SLC4A4: variants seen among roughly 807,000 people sequenced by gnomAD.
SLC4A4 encodes the protein solute carrier family 4 member 4.
In SLC4A4, 27 loss-of-function variants were observed where a neutral mutation model predicts 111.5. That is an observed-to-expected ratio of 0.24 (90% CI 0.18 to 0.33). The LOEUF (loss-of-function observed/expected upper bound fraction) is 0.33, where lower values mean the gene tolerates loss of function less well. SLC4A4 is among the 10% of genes least tolerant of loss of function. The pLI is 1.00. For synonymous variants in SLC4A4, 443 were observed against 463.4 expected (o/e 0.96, Z 0.57); for missense variants, 909 against 1,315.5 (o/e 0.69, Z 4.78).
intron 2 of SLC4A4, among the ~76,000 whole-genome samples, chr4:71,245,493 G>C (rs1720589959): frequency 6.6e-6 from 1 of 152,122 alleles, no homozygotes; most frequent in South Asian, 2.1e-4. Context: ...TGGATGTATG[G>C]ATGGGGATGG....
chr4:71,438,818 T>C (rs1277754793), intron 7 of SLC4A4, among the ~76,000 whole-genome samples: 1 of 152,136 alleles, frequency 6.6e-6, no homozygotes, highest in East Asian at 1.9e-4. Context: ...ATTTCTCTAA[T>C]ATACTGAAAT....
chr4:71,450,075 G>A (rs1392710359), intron 9 of SLC4A4, among the ~76,000 whole-genome samples: 2 of 151,968 alleles, frequency 1.3e-5, no homozygotes, highest in African/African-American at 4.8e-5. Context: ...TTTTAATCTG[G>A]CTCCCATAGC....
chr4:71,126,839 T>G (rs1690604733), intron 2 of SLC4A4, among the ~76,000 whole-genome samples: 2 of 152,174 alleles, frequency 1.3e-5, no homozygotes, highest in Non-Finnish European at 2.9e-5. Context: ...CTTATCCACT[T>G]CCACATACTT....
intron 3 of SLC4A4, among the ~76,000 whole-genome samples, chr4:71,256,444 G>A (rs536517131): frequency 6.6e-6 from 1 of 152,302 alleles, no homozygotes; most frequent in African/African-American, 2.4e-5. Flanking sequence ...AACTGAGCAG[G>A]TGGCTTAGGA....
intron 2 of SLC4A4, among the ~76,000 whole-genome samples, chr4:71,120,417 G>A (rs1431514241): frequency 6.6e-6 from 1 of 152,184 alleles, no homozygotes; most frequent in East Asian, 1.9e-4. Flanking sequence ...TCTCCACAGT[G>A]TGTGGGCCTT....
chr4:71,293,031 T>TG (rs1332213506), intron 3 of SLC4A4, among the ~76,000 whole-genome samples: 1 of 150,032 alleles, frequency 6.7e-6, no homozygotes, highest in Non-Finnish European at 1.5e-5. Context: ...TTAGTAGAGA[T>TG]GGGGTTTCAC....
intron 2 of SLC4A4, among the ~76,000 whole-genome samples, chr4:71,151,376 C>T (rs1405238459): frequency 2.0e-5 from 3 of 152,136 alleles, no homozygotes; most frequent in African/African-American, 7.2e-5. Context: ...TAATTCAGTG[C>T]ATTTCTCTGG....
chr4:71,256,970 G>A (rs1041253119), intron 3 of SLC4A4, among the ~76,000 whole-genome samples: 1 of 152,056 alleles, frequency 6.6e-6, no homozygotes, highest in African/African-American at 2.4e-5. Flanking sequence ...AAAGTAAAGA[G>A]GTGCTCACCT....
At chr4:71,272,617 GA>G (rs1722776169) in intron 3 of SLC4A4, among the ~76,000 whole-genome samples, 1 of 152,184 alleles carries the variant, frequency 6.6e-6, no homozygotes, top group Non-Finnish European at 1.5e-5. Context: ...AGGACCTAGA[GA>G]CAAGTTTGAA....
intron 16 of SLC4A4, among the ~76,000 whole-genome samples, chr4:71,498,848 C>CA (rs1355938426): frequency 6.6e-6 from 1 of 152,014 alleles, no homozygotes; most frequent in East Asian, 1.9e-4. Context: ...TGTATACATA[C>CA]AAAAAAACAC....
intron 2 of SLC4A4, among the ~76,000 whole-genome samples, chr4:71,154,084 C>T (rs1269931145): frequency 6.6e-6 from 1 of 152,122 alleles, no homozygotes; most frequent in Non-Finnish European, 1.5e-5. Flanking sequence ...GGAGAGGTGA[C>T]CTCTAAAAGG....
chr4:71,465,651 T>G (rs1238883967), intron 12 of SLC4A4, among the ~76,000 whole-genome samples: 1 of 151,616 alleles, frequency 6.6e-6, no homozygotes, highest in Non-Finnish European at 1.5e-5. Flanking sequence ...CTGAGTGACG[T>G]GATTAGGAAA....
intron 7 of SLC4A4, among the ~76,000 whole-genome samples, chr4:71,422,717 A>G (rs1326317126): frequency 3.3e-5 from 5 of 151,672 alleles, no homozygotes; most frequent in African/African-American, 1.2e-4. Flanking sequence ...CAGCATATAA[A>G]CAGAGCCAAA....
At chr4:71,334,318 G>A (rs1664008560) in intron 3 of SLC4A4, among the ~76,000 whole-genome samples, 1 of 151,456 alleles carries the variant, frequency 6.6e-6, no homozygotes, top group African/African-American at 2.4e-5. Context: ...CTGGGAGCTA[G>A]GGCCTGGAAT....
intron 8 of SLC4A4, among the ~76,000 whole-genome samples, chr4:71,442,025 T>C (rs1416110655): frequency 6.6e-6 from 1 of 152,182 alleles, no homozygotes; most frequent in Non-Finnish European, 1.5e-5. Context: ...TCCAGCTCTG[T>C]GCCCCTATGG....
At chr4:71,540,382 A>G (rs925034803) in intron 18 of SLC4A4, among the ~76,000 whole-genome samples, 2 of 152,178 alleles carry the variant, frequency 1.3e-5, no homozygotes, top group Non-Finnish European at 2.9e-5. Flanking sequence ...TGTACTCTGT[A>G]TTAGTAAAGC....
At chr4:71,555,929 T>G (rs1736435318) in intron 21 of SLC4A4, among the ~76,000 whole-genome samples, 1 of 151,942 alleles carries the variant, frequency 6.6e-6, no homozygotes, top group South Asian at 2.1e-4. Context: ...CAATTGGGTT[T>G]TAATTAAATT....
chr4:71,221,415 T>C (rs1416456613), intron 1 of SLC4A4, among the ~76,000 whole-genome samples: 1 of 152,212 alleles, frequency 6.6e-6, no homozygotes, highest in Non-Finnish European at 1.5e-5. Context: ...GTCATTCTTA[T>C]GGCAAAGGAT....
intron 1 of SLC4A4, among the ~76,000 whole-genome samples, chr4:71,235,150 A>G (rs1446761843): frequency 6.6e-6 from 1 of 152,190 alleles, no homozygotes; most frequent in Non-Finnish European, 1.5e-5. Flanking sequence ...GGAAAAACTG[A>G]GACTTAAAAA....
Sources: gnomAD v4.1 joint callset for allele counts (sites outside exome capture counted in the v4.1 genomes callset) on GRCh38, gnomAD v4.1.1 for gene constraint, MANE v1.5 for transcripts, NCBI Gene and HGNC (gene_info 2026-07-23, HGNC 2026-07-21) for gene names.